DNAH5: variants seen among roughly 807,000 people sequenced by gnomAD.
DNAH5 encodes dynein axonemal heavy chain 5.
In DNAH5, 372 loss-of-function variants were observed where a neutral mutation model predicts 518.2. That is an observed-to-expected ratio of 0.72 (90% CI 0.66 to 0.78). The LOEUF is 0.78. Ranked by LOEUF, DNAH5 falls within the 30% of genes least tolerant of loss-of-function variation. The probability of loss-of-function intolerance (pLI) is 0.00; values close to 1 mark genes in which losing one functional copy is unlikely to be tolerated. For missense variants in DNAH5, 5,523 were observed against 5,687.0 expected (o/e 0.97, Z 0.93); for synonymous variants, 2,039 against 2,025.9 (o/e 1.01, Z -0.17).
At chr5:13,861,601 C>T (rs1768422742) in intron 29 of DNAH5, among the ~76,000 whole-genome samples, 1 of 152,088 alleles carries the variant, frequency 6.6e-6, no homozygotes, top group Non-Finnish European at 1.5e-5. Context: ...AAATTCATGA[C>T]TGTGTGGTTT....
intron 75 of DNAH5, among the ~76,000 whole-genome samples, chr5:13,710,497 A>G (rs1486933555): frequency 6.6e-6 from 1 of 152,238 alleles, no homozygotes; most frequent in Non-Finnish European, 1.5e-5. Context: ...TCAGAGCAGA[A>G]CTAAATGAAA....
At chr5:13,840,227 A>G (rs898437424) in intron 34 of DNAH5, among the ~76,000 whole-genome samples, 1 of 152,222 alleles carries the variant, frequency 6.6e-6, no homozygotes, top group Non-Finnish European at 1.5e-5. Flanking sequence ...TTATATCAGG[A>G]CCAATCTTTC....
chr5:13,955,081 T>A (rs566706959), intron 1 of DNAH5, among the ~76,000 whole-genome samples: 1 of 152,230 alleles, frequency 6.6e-6, no homozygotes, highest in East Asian at 1.9e-4. Context: ...GTATTGAAGG[T>A]GGAGGCTGGT....
rs376742406 is a variant in DNAH5, at chr5:13,914,656, A to G, written c.1198-14T>C. The G allele has an allele frequency of 1.4e-5, 23 of 1,612,094 alleles. No homozygotes were observed. The highest frequency in any genetic ancestry group is 1.1e-4 in the East Asian group (5 of 44,836). On this transcript the variant is annotated splice_polypyrimidine_tract_variant and intron_variant, in intron 9 of 78. Transcript: ENST00000265104. ...CTGATTTGTCACCTGGGATTTTCCA[A>G]TAAAATGATGTTAAGCACATAAAAC...
chr5:13,975,067 G>A (rs1287494958), intron 1 of DNAH5, among the ~76,000 whole-genome samples: 1 of 152,188 alleles, frequency 6.6e-6, no homozygotes, highest in Non-Finnish European at 1.5e-5. Flanking sequence ...ATGAACTTGG[G>A]CACTGCATTA....
At chr5:13,922,727 CAAAAAAAAAAAA>C (rs35310788) in intron 4 of DNAH5, among the ~76,000 whole-genome samples, 6 of 94,456 alleles carry the variant, frequency 6.4e-5, no homozygotes, top group Non-Finnish European at 1.3e-4. Context: ...GACCCTGTCT[CAAAAAAAAAAAA>C]AAAAAAAAAT....
intron 47 of DNAH5, among the ~76,000 whole-genome samples, chr5:13,797,056 T>C (rs1404799094): frequency 3.3e-5 from 5 of 152,184 alleles, no homozygotes; most frequent in Non-Finnish European, 7.3e-5. Context: ...TAATTCAAGA[T>C]GGATTAAAGA....
At chr5:13,990,367 A>G (rs1783441210) in intron 1 of DNAH5, among the ~76,000 whole-genome samples, 1 of 151,806 alleles carries the variant, frequency 6.6e-6, no homozygotes, top group Admixed American at 6.6e-5. Context: ...CCTGGCTAAC[A>G]TGGTGAAACC....
chr5:13,981,750 C>T (rs1057262776), intron 1 of DNAH5, among the ~76,000 whole-genome samples: 1 of 152,136 alleles, frequency 6.6e-6, no homozygotes, highest in African/African-American at 2.4e-5. Flanking sequence ...ATCAGTCTGA[C>T]ATCATCTTGA....
chr5:13,851,984 T>C (rs1224815134), intron 30 of DNAH5, among the ~76,000 whole-genome samples: 1 of 151,674 alleles, frequency 6.6e-6, no homozygotes, highest in African/African-American at 2.4e-5. Context: ...TGGGGAACTC[T>C]CCCCCGAGCC....
rs766829989 is a variant in DNAH5 at position 13,753,547 on chromosome 5, C to A, written c.10558G>T (p.Asp3520Tyr). 5.0e-6 allele frequency: 8 copies of A among 1,612,404 alleles called. No homozygotes were observed. Among genetic ancestry groups the A allele is most frequent in the South Asian group, 1.1e-5 (1 of 90,862 alleles). ...AGAAAAGCTGTAGCCAACAGTACAT[C>A]CCCTAAAATAGAAAACAAACACCAT... ...FAAQTKRLVG[D>Y]VLLATAFLSY... Residue 3520 changes from aspartate to tyrosine, a missense_variant and splice_region_variant, in exon 63 of 79, where the codon GAT becomes TAT. By Grantham distance (160) the Asp-to-Tyr change is radical (BLOSUM62 -3). This residue lies in a region of DNAH5 where 5,121 missense variants were observed against 5,223.3 expected (regional missense o/e 0.98). Coordinates refer to ENST00000265104, the MANE Select transcript of DNAH5 (RefSeq NM_001369.3).
rs1409687964 is a variant in DNAH5 at position 13,841,129 on chromosome 5, A to C, written c.5486T>G (p.Val1829Gly). Reference sequence around the variant, plus strand: ...TATCATCTGAATTCCTAATAATCCAACCTTATGGAAATAAAAAAGGCTTCA... The same window carrying C: ...TATCATCTGAATTCCTAATAATCCACCCTTATGGAAATAAAAAAGGCTTCA... ...TEFLSSFPAQ[V>G]GLLGIQMIWT... The change falls in exon 34 of 79, where the codon GTT (valine) becomes GGT (glycine). Residue 1829 changes from valine (V) to glycine (G), a missense_variant and splice_region_variant. Physicochemically the swap from Val to Gly is moderately radical, Grantham distance 109. Around this residue, in one of 3 missense-constraint regions of DNAH5, gnomAD observed 5,121 missense variants for 5,223.3 expected, o/e 0.98. Coordinates refer to ENST00000265104, the MANE Select transcript of DNAH5 (RefSeq NM_001369.3). The C allele has an allele frequency of 6.2e-7, 1 of 1,611,728 alleles. No individual in the cohort carries two copies. The highest frequency in any genetic ancestry group is 1.3e-5 in the African/African-American group (1 of 74,852).
chr5:13,814,890 T>G (rs918292280), intron 42 of DNAH5, 44 bp from the exon 43 acceptor site: 2 of 1,583,428 alleles, frequency 1.3e-6, no homozygotes, highest in African/African-American at 2.7e-5. Flanking sequence ...CATACACTCA[T>G]GCAGTGCATG....
At chr5:13,799,205 T>C (rs1009731949) in intron 47 of DNAH5, among the ~76,000 whole-genome samples, 1 of 60,780 alleles carries the variant, frequency 1.6e-5, no homozygotes. Context: ...AAGAATTTCA[T>C]ACCCCCCCCC....
rs372129543 is a variant in DNAH5, at chr5:13,758,622, A to G, written c.10419+224T>C. On this transcript the variant is annotated intron_variant, in intron 61 of 78. Coordinates refer to ENST00000265104, the MANE Select transcript of DNAH5 (RefSeq NM_001369.3). ...AAATGCTAGTACACAAGATGCTGTCATCACTACCAACACCACTAACAAAGA... is the reference window on the plus strand; with the variant it reads ...AAATGCTAGTACACAAGATGCTGTCGTCACTACCAACACCACTAACAAAGA... Among the ~76,000 whole-genome samples, 3 of 152,388 alleles carry G rather than the reference A, an allele frequency of 2.0e-5. No homozygotes were observed. The South Asian group carries it at 6.2e-4, about 32-fold the overall frequency.
At chr5:13,781,964 T>G (rs1160094352) in intron 52 of DNAH5, among the ~76,000 whole-genome samples, 2 of 152,148 alleles carry the variant, frequency 1.3e-5, no homozygotes, top group Non-Finnish European at 2.9e-5. Context: ...CACAGCCCCC[T>G]TGTGGCAGAA....
chr5:13,811,904 A>G lies in DNAH5; in HGVS notation c.7231-81T>C, dbSNP rs1028046106. On this transcript the variant is annotated intron_variant, in intron 43 of 78. Transcript: ENST00000265104. ...GTCATTTGGGGACAAAAATTTTAAA[A>G]GTATCTGTTAATAATGATAATATCT... The G allele has an allele frequency of 4.0e-6, 5 of 1,243,552 alleles. No individual in the cohort carries two copies. The East Asian group carries it at 1.2e-4, about 30-fold the overall frequency. 77.0% of individuals were successfully genotyped at this position (1,243,552 alleles called of 1,614,324 possible). A position where few individuals can be genotyped will look rare whatever the true frequency, so the allele number is the denominator to read the frequency against.
chr5:14,002,948 T>C (rs1784466222), intron 1 of DNAH5, among the ~76,000 whole-genome samples: 1 of 152,234 alleles, frequency 6.6e-6, no homozygotes, highest in Non-Finnish European at 1.5e-5. Context: ...ACAACTACGA[T>C]AGTAATTGAA....
In DNAH5 at chr5:13,692,070, AGTTC is replaced by A; in HGVS notation, c.13785_13788del (p.Leu4595PhefsTer49). ...GTCCTGAGATCCACAGCGGCAATGTAGTTCAAGTCCGTTCGAACTGGCTTCTTAT... is the reference window on the plus strand; with the variant it reads ...GTCCTGAGATCCACAGCGGCAATGTAAAGTCCGTTCGAACTGGCTTCTTAT... On this transcript the variant is annotated frameshift_variant, in exon 79 of 79. Coordinates refer to ENST00000265104, the MANE Select transcript of DNAH5 (RefSeq NM_001369.3). LOFTEE classifies it high-confidence loss of function. The A allele has an allele frequency of 6.2e-7, 1 of 1,614,140 alleles. No individual in the cohort carries two copies. Among genetic ancestry groups the A allele is most frequent in the Non-Finnish European group, 8.5e-7 (1 of 1,179,984 alleles).
Sources: allele counts gnomAD v4.1 joint callset (sites outside exome capture counted in the v4.1 genomes callset), GRCh38; gene constraint gnomAD v4.1.1; regional missense constraint gnomAD v4.1.1; transcripts MANE v1.5; gene names NCBI Gene and HGNC (gene_info 2026-07-23, HGNC 2026-07-21).